Variants in GPC6 observed in about 807,000 individuals in gnomAD.
GPC6 encodes glypican-6.
GPC6 carries 14 observed loss-of-function variants against 55.2 expected under a neutral mutation model. The ratio of observed to expected loss-of-function variants is 0.25; its 90% CI spans 0.17 to 0.40. The LOEUF is 0.40. Among genes scored for constraint, GPC6 ranks in the 10% least tolerant of loss-of-function variants. GPC6 has a pLI of 1.00. For synonymous variants in GPC6, 278 were observed against 259.6 expected (o/e 1.07, Z -0.68); for missense variants, 641 against 708.5 (o/e 0.90, Z 1.08).
At chr13:94,095,492 A>G (rs1249038036) in intron 4 of GPC6, among the ~76,000 whole-genome samples, 1 of 152,220 alleles carries the variant, frequency 6.6e-6, no homozygotes, top group Non-Finnish European at 1.5e-5. Flanking sequence ...ACATGTAATC[A>G]ATATAAAAAT....
intron 2 of GPC6, among the ~76,000 whole-genome samples, chr13:93,792,551 TCCACACACCTCAGC>T (rs997754913): frequency 2.0e-5 from 3 of 152,168 alleles, no homozygotes; most frequent in Non-Finnish European, 4.4e-5. Context: ...CCTCAAGTGA[TCCACACACCTCAGC>T]CTCCCAAAGT....
At chr13:93,482,328 T>C (rs1879551206) in intron 1 of GPC6, among the ~76,000 whole-genome samples, 1 of 152,176 alleles carries the variant, frequency 6.6e-6, no homozygotes, top group South Asian at 2.1e-4. Context: ...TGTATCTTTA[T>C]TTCTTCCTTT....
At chr13:93,676,148 TATATATATATATATATATATACATACAC>T (rs1566481727) in intron 2 of GPC6, among the ~76,000 whole-genome samples, 12 of 13,934 alleles carry the variant, frequency 8.6e-4, no homozygotes, top group African/African-American at 1.3e-3. Flanking sequence ...TATATATATA[TATATATATATATATATATATACATACAC>T]ACACACACAC....
In GPC6 at chr13:93,379,004, A is replaced by T. The variant is rs1875042235; in HGVS notation, c.160+151388A>T. Among the ~76,000 whole-genome samples the T allele has an allele frequency of 3.3e-5, 5 of 151,882 alleles. 1 individual carries two copies. In the South Asian group the frequency reaches 1.0e-3, roughly 32 times the overall value. ...AGCAAAACTCCATCTCAGAAAAAAA[A>T]AAAAATCAGCATAAAGGAAGAAAAA... On this transcript the variant is annotated intron_variant, in intron 1 of 8. Transcript: ENST00000377047.
chr13:93,447,517 C>T (rs1878053416), intron 1 of GPC6, among the ~76,000 whole-genome samples: 2 of 152,154 alleles, frequency 1.3e-5, no homozygotes, highest in Admixed American at 1.3e-4. Flanking sequence ...GGAAATCAAT[C>T]CCTTTTCTAG....
intron 2 of GPC6, among the ~76,000 whole-genome samples, chr13:93,768,558 G>A (rs1885193699): frequency 6.6e-6 from 1 of 152,122 alleles, no homozygotes; most frequent in Non-Finnish European, 1.5e-5. Flanking sequence ...ACAGAGAAAT[G>A]AATGAGACAC....
At chr13:93,437,446 A>G (rs1056182926) in intron 1 of GPC6, among the ~76,000 whole-genome samples, 1 of 152,224 alleles carries the variant, frequency 6.6e-6, no homozygotes, top group Non-Finnish European at 1.5e-5. Context: ...GGAAATTAAA[A>G]GTGCTACTCC....
At chr13:94,054,958 CT>C (rs145033231) in intron 4 of GPC6, among the ~76,000 whole-genome samples, 5,025 of 152,154 alleles carry the variant, frequency 0.033, 243 homozygotes, top group African/African-American at 0.1. Flanking sequence ...ACATCCACAC[CT>C]AAAAAAATCC....
At chr13:93,368,147 T>C (rs937495448) in intron 1 of GPC6, among the ~76,000 whole-genome samples, 1 of 152,138 alleles carries the variant, frequency 6.6e-6, no homozygotes, top group Non-Finnish European at 1.5e-5. Context: ...TTTGTCTTAT[T>C]GCTAGTTCTT....
intron 3 of GPC6, among the ~76,000 whole-genome samples, chr13:93,995,615 C>T (rs1174988078): frequency 6.6e-6 from 1 of 152,134 alleles, no homozygotes; most frequent in Non-Finnish European, 1.5e-5. Context: ...GTTCTAGGTA[C>T]TAGTGAACTT....
chr13:93,248,437 G>GTTTTTTTTT (rs74531292), intron 1 of GPC6, among the ~76,000 whole-genome samples: 1 of 137,178 alleles, frequency 7.3e-6, no homozygotes, highest in Non-Finnish European at 1.6e-5. Flanking sequence ...CACAAAAAGT[G>GTTTTTTTTT]TTTTTTTTTT....
Position 94,186,059 on chromosome 13 carries a change from C to CAAAAAAAAAA in GPC6, c.878-100290_878-100289insAAAAAAAAAA, listed in dbSNP as rs776003680. 1.1e-4 allele frequency among the ~76,000 whole-genome samples: 7 copies of CAAAAAAAAAA among 63,850 alleles called. 1 individual carries two copies. Among genetic ancestry groups the CAAAAAAAAAA allele is most frequent in the African/African-American group, 1.8e-4 (3 of 17,126 alleles). 41.9% of individuals were successfully genotyped at this position (63,850 alleles called of 152,430 possible). ...TAGGTGACAGAGCGAGACTCCGTCT[C>CAAAAAAAAAA]CAAAAAAAAAAAAAAAAAAAAGGTT... On this transcript the variant is annotated intron_variant, in intron 4 of 8. Transcript: ENST00000377047.
chr13:94,061,247 C>G lies in GPC6; in HGVS notation c.877+33353C>G, dbSNP rs1317863658. Among the ~76,000 whole-genome samples, 4 of 152,116 alleles carry G rather than the reference C, an allele frequency of 2.6e-5. No homozygotes were observed. In the East Asian group the frequency reaches 7.7e-4, roughly 29 times the overall value. On this transcript the variant is annotated intron_variant, in intron 4 of 8. Coordinates refer to ENST00000377047, the MANE Select transcript of GPC6 (RefSeq NM_005708.5). ...TATTCTAAACATGCCTTCAAACAGC[C>G]CTTGTTACTCTGTTTATATCCCATC...
intron 2 of GPC6, among the ~76,000 whole-genome samples, chr13:93,664,263 T>C (rs1235853183): frequency 6.6e-6 from 1 of 152,206 alleles, no homozygotes; most frequent in Non-Finnish European, 1.5e-5. Flanking sequence ...TATTCAGCCA[T>C]GTAAACTGCA....
At chr13:93,330,960 A>G (rs1011594918) in intron 1 of GPC6, among the ~76,000 whole-genome samples, 2 of 152,166 alleles carry the variant, frequency 1.3e-5, no homozygotes, top group African/African-American at 4.8e-5. Flanking sequence ...AAGCCTCACC[A>G]TAAAGGTAAA....
At chr13:94,254,318 A>G (rs946750911) in intron 4 of GPC6, among the ~76,000 whole-genome samples, 3 of 152,108 alleles carry the variant, frequency 2.0e-5, no homozygotes, top group East Asian at 1.9e-4. Flanking sequence ...AAAGTACTTC[A>G]TTGAAGAAAT....
chr13:93,715,545 A>G (rs1417870675), intron 2 of GPC6, among the ~76,000 whole-genome samples: 1 of 151,624 alleles, frequency 6.6e-6, no homozygotes, highest in East Asian at 2.0e-4. Context: ...TGATGGGATC[A>G]TTCATACCCC....
chr13:93,281,558 A>G (rs1032662503), intron 1 of GPC6, among the ~76,000 whole-genome samples: 3 of 152,234 alleles, frequency 2.0e-5, no homozygotes, highest in African/African-American at 4.8e-5. Flanking sequence ...TTACACCTGT[A>G]ATCCCAGCAC....
chr13:93,257,225 A>AGGT (rs1876984815), intron 1 of GPC6, among the ~76,000 whole-genome samples: 1 of 152,090 alleles, frequency 6.6e-6, no homozygotes, highest in Non-Finnish European at 1.5e-5. Flanking sequence ...GTTTGAGCAC[A>AGGT]GGTGGTGGCT....
Sources: allele counts gnomAD v4.1 joint callset (sites outside exome capture counted in the v4.1 genomes callset), GRCh38; gene constraint gnomAD v4.1.1; transcripts MANE v1.5; gene names NCBI Gene and HGNC (gene_info 2026-07-23, HGNC 2026-07-21).